Variants in RAP1B observed in about 807,000 individuals in gnomAD.
RAP1B encodes the protein ras-related protein Rap-1b.
RAP1B carries 1 observed loss-of-function variant against 27.5 expected under a neutral mutation model. That is an observed-to-expected ratio of 0.04 (90% confidence interval 0.01 to 0.17). The LOEUF is 0.17. Among genes scored for constraint, RAP1B ranks in the 10% least tolerant of loss-of-function variants. RAP1B has a pLI of 1.00. For missense variants in RAP1B, 84 were observed against 214.8 expected (o/e 0.39, Z 3.81); for synonymous variants, 75 against 73.1 (o/e 1.03, Z -0.13).
chr12:68,627,199 G>T, intron 1 of RAP1B: 2 of 1,527,644 alleles, frequency 1.3e-6, no homozygotes, highest in Non-Finnish European at 1.8e-6. Context: ...CACTGGGGTA[G>T]TGCAAGGTCA....
chr12:68,621,743 G>A (rs936281953), intron 1 of RAP1B, among the ~76,000 whole-genome samples: 2 of 152,204 alleles, frequency 1.3e-5, no homozygotes, highest in African/African-American at 4.8e-5. Context: ...TGATGCTTTA[G>A]TGGTTGATAC....
At chr12:68,653,385 TCA>T (rs1167482129) in intron 4 of RAP1B, among the ~76,000 whole-genome samples, 3 of 138,196 alleles carry the variant, frequency 2.2e-5, no homozygotes, top group African/African-American at 8.5e-5. Context: ...CTTCAAATGC[TCA>T]CAGTCTAGCA....
chr12:68,664,112 G>A lies in RAP1B; in HGVS notation c.*4863G>A, dbSNP rs907193211. 6.6e-6 allele frequency: 1 copy of A among 152,096 alleles called. No homozygotes were observed. Among genetic ancestry groups the A allele is most frequent in the Non-Finnish European group, 1.5e-5 (1 of 68,032 alleles). 9.4% of individuals were successfully genotyped at this position (152,096 alleles called of 1,614,324 possible). A position where few individuals can be genotyped will look rare whatever the true frequency, so the allele number is the denominator to read the frequency against. On this transcript the variant is annotated 3_prime_UTR_variant, in exon 8 of 8. Coordinates refer to ENST00000250559, the MANE Select transcript of RAP1B (RefSeq NM_001010942.3). ...ACATAAATGAGACAATCCAAATTTA[G>A]TATTTGGGTCAAAATGCAGGGTTTT...
rs1874581929 is a variant in RAP1B, at chr12:68,661,320, T to G, written c.*2071T>G. 2 of 152,220 alleles carry G rather than the reference T, an allele frequency of 1.3e-5. No homozygotes were observed. Among genetic ancestry groups the G allele is most frequent in the Non-Finnish European group, 2.9e-5 (2 of 68,036 alleles). The allele number at this position is 152,220 out of a possible 1,614,324, so 9.4% of individuals were successfully genotyped here. A position where few individuals can be genotyped will look rare whatever the true frequency, so the allele number is the denominator to read the frequency against. Reference sequence around the variant, plus strand: ...ATTTACTATGTCCTGTTACATCCATTGATACCGCCATTATTCAATAATTAC... The same window carrying G: ...ATTTACTATGTCCTGTTACATCCATGGATACCGCCATTATTCAATAATTAC... On this transcript the variant is annotated 3_prime_UTR_variant, in exon 8 of 8. Transcript: ENST00000250559.
At chr12:68,613,232 C>G (rs1056885958) in intron 1 of RAP1B, among the ~76,000 whole-genome samples, 1 of 151,740 alleles carries the variant, frequency 6.6e-6, no homozygotes, top group African/African-American at 2.4e-5. Flanking sequence ...TAGTGGCACG[C>G]GCCTGCAATC....
intron 1 of RAP1B, among the ~76,000 whole-genome samples, chr12:68,613,088 T>C (rs7304652): frequency 0.062 from 9,437 of 152,116 alleles, 729 homozygotes; most frequent in African/African-American, 0.19. Flanking sequence ...GGCGTGGTGG[T>C]TTACGCCTGT....
At chr12:68,628,701 C>T (rs1872004005) in intron 1 of RAP1B, among the ~76,000 whole-genome samples, 1 of 152,056 alleles carries the variant, frequency 6.6e-6, no homozygotes, top group Non-Finnish European at 1.5e-5. Context: ...TATTGAAGCT[C>T]TGGATGCCTT....
intron 7 of RAP1B, chr12:68,657,427 T>C (rs1421982019): frequency 6.1e-6 from 2 of 328,130 alleles, no homozygotes; most frequent in Non-Finnish European, 1.1e-5. Context: ...TTTTTTGAGA[T>C]GGAGTTTCAC....
At chr12:68,627,691 G>A (rs889219869) in intron 1 of RAP1B, among the ~76,000 whole-genome samples, 1 of 152,046 alleles carries the variant, frequency 6.6e-6, no homozygotes, top group African/African-American at 2.4e-5. Flanking sequence ...CTAACTAAAA[G>A]CGTCTTTTAT....
intron 1 of RAP1B, among the ~76,000 whole-genome samples, chr12:68,620,883 G>C (rs373548135): frequency 3.3e-5 from 5 of 152,180 alleles, no homozygotes; most frequent in East Asian, 1.9e-4. Context: ...CCACCGCACC[G>C]GTCTGGTTCC....
At chr12:68,614,678 T>C (rs143187401) in intron 1 of RAP1B, among the ~76,000 whole-genome samples, 6 of 152,360 alleles carry the variant, frequency 3.9e-5, no homozygotes, top group Admixed American at 3.3e-4. Context: ...TCAAATTGAA[T>C]TGAATTTTAG....
At chr12:68,635,918 G>A (rs183691475) in intron 1 of RAP1B, among the ~76,000 whole-genome samples, 17 of 151,644 alleles carry the variant, frequency 1.1e-4, no homozygotes, top group Admixed American at 7.9e-4. Context: ...TTGCTCTGTA[G>A]CCCAGGCTTG....
chr12:68,654,201 C>T lies in RAP1B; in HGVS notation c.273C>T (p.Asn91=), dbSNP rs143434166. 1.1e-4 allele frequency: 172 copies of T among 1,603,068 alleles called. No homozygotes were observed. Among genetic ancestry groups the T allele is most frequent in the Non-Finnish European group, 3.1e-5 (36 of 1,170,914 alleles). The change falls in exon 5 of 8, where the codon AAC becomes AAT. Residue 91 remains asparagine (N), a synonymous_variant. Coordinates refer to ENST00000250559, the MANE Select transcript of RAP1B (RefSeq NM_001010942.3). ...VYSITAQSTF[N]DLQDLREQIL... is the part of the protein sequence containing the mutation. ...CCATCACAGCACAGTCCACATTTAA[C>T]GATTTACAAGACCTGAGAGAACAGA...
At chr12:68,622,832 A>C (rs770937196) in intron 1 of RAP1B, among the ~76,000 whole-genome samples, 3 of 152,178 alleles carry the variant, frequency 2.0e-5, no homozygotes, top group African/African-American at 4.8e-5. Flanking sequence ...TGTCCATATC[A>C]ATTCCCATAA....
chr12:68,655,535 CTT>C (rs35350174), intron 5 of RAP1B, among the ~76,000 whole-genome samples: 30 of 125,578 alleles, frequency 2.4e-4, no homozygotes, highest in African/African-American at 7.4e-4. Flanking sequence ...TTTTGATTGG[CTT>C]TTTTTTTTTT....
At position 68,657,847 on chromosome 12, in the gene RAP1B, C is replaced by T. The variant is rs531663145; in HGVS notation, c.*30+630C>T. 5.0e-4 allele frequency: 79 copies of T among 157,498 alleles called. 1 individual carries two copies. Among genetic ancestry groups the T allele is most frequent in the Non-Finnish European group, 8.6e-4 (62 of 71,840 alleles). 9.8% of individuals were successfully genotyped at this position (157,498 alleles called of 1,614,324 possible). On this transcript the variant is annotated intron_variant, in intron 7 of 7. Transcript: ENST00000250559. ...TAAAACACACACACACACACACACCCCTGACATGTTCATCATGTGCCAGTC... is the reference window on the plus strand; with the variant it reads ...TAAAACACACACACACACACACACCTCTGACATGTTCATCATGTGCCAGTC...
intron 1 of RAP1B, among the ~76,000 whole-genome samples, chr12:68,618,450 T>G (rs1871174253): frequency 6.6e-6 from 1 of 152,202 alleles, no homozygotes; most frequent in Non-Finnish European, 1.5e-5. Context: ...GAATAAGGAC[T>G]AATAAATAAT....
In RAP1B at chr12:68,667,994, C is replaced by T. The variant is rs1716485245; in HGVS notation, c.*8745C>T. ...TACCACTAATTTTATTCCACCAATG[C>T]TTTCACAGAGGATGTCACCAAAGAA... On this transcript the variant is annotated 3_prime_UTR_variant, in exon 8 of 8. Transcript: ENST00000250559. 6.6e-6 allele frequency: 1 copy of T among 152,206 alleles called. No homozygotes were observed. The highest frequency in any genetic ancestry group is 2.1e-4 in the South Asian group (1 of 4,832). 9.4% of individuals were successfully genotyped at this position (152,206 alleles called of 1,614,324 possible). A position where few individuals can be genotyped will look rare whatever the true frequency, so the allele number is the denominator to read the frequency against.
chr12:68,655,209 T>G (rs932954728), intron 5 of RAP1B, among the ~76,000 whole-genome samples: 8 of 151,896 alleles, frequency 5.3e-5, no homozygotes, highest in African/African-American at 1.7e-4. Flanking sequence ...TCTCAGCTAT[T>G]TGGGAGGCTG....
Sources: gnomAD v4.1 joint callset for allele counts (sites outside exome capture counted in the v4.1 genomes callset) on GRCh38, gnomAD v4.1.1 for gene constraint, MANE v1.5 for transcripts, NCBI Gene and HGNC (gene_info 2026-07-23, HGNC 2026-07-21) for gene names.